The following ARHGAP26 variants were observed in gnomAD, a reference collection of about 807,000 sequenced individuals.
ARHGAP26 encodes the protein rho GTPase-activating protein 26.
In ARHGAP26, 38 loss-of-function variants were observed where a neutral mutation model predicts 104.8. The ratio of observed to expected loss-of-function variants is 0.36; its 90% CI spans 0.28 to 0.48. ARHGAP26 has a LOEUF of 0.48. ARHGAP26 is among the 20% of genes least tolerant of loss of function. The pLI, the probability that ARHGAP26 is intolerant of heterozygous loss-of-function variation, is 0.99. For missense variants in ARHGAP26, 704 were observed against 947.9 expected, an observed-to-expected ratio of 0.74 and a Z score of 3.38; for synonymous variants, 341 against 340.0, an observed-to-expected ratio of 1.00 and a Z score of -0.03.
intron 1 of ARHGAP26, among the ~76,000 whole-genome samples, chr5:142,820,692 CAA>C (rs1336743569): frequency 6.6e-6 from 1 of 152,154 alleles, no homozygotes; most frequent in African/African-American, 2.4e-5. Context: ...ATTTAGAAAA[CAA>C]AAGCCTTTTC....
At chr5:143,116,700 G>GGA (rs1486154783) in intron 17 of ARHGAP26, among the ~76,000 whole-genome samples, 3 of 152,228 alleles carry the variant, frequency 2.0e-5, no homozygotes, top group Non-Finnish European at 4.4e-5. Flanking sequence ...ACCTCCTTCT[G>GGA]CCTCTCAAAG....
At chr5:142,880,355 T>C (rs1756789014) in intron 4 of ARHGAP26, among the ~76,000 whole-genome samples, 1 of 152,016 alleles carries the variant, frequency 6.6e-6, no homozygotes, top group South Asian at 2.1e-4. Context: ...CCGTCTCTAC[T>C]AAAATAGAAA....
At chr5:143,087,359 C>A (rs992120254) in intron 17 of ARHGAP26, among the ~76,000 whole-genome samples, 1 of 152,202 alleles carries the variant, frequency 6.6e-6, no homozygotes, top group South Asian at 2.1e-4. Context: ...GGATGAGTAT[C>A]TAACTGTTGT....
At chr5:142,817,600 TC>T (rs1765387516) in intron 1 of ARHGAP26, among the ~76,000 whole-genome samples, 1 of 152,136 alleles carries the variant, frequency 6.6e-6, no homozygotes, top group African/African-American at 2.4e-5. Flanking sequence ...TCTTTGTTAC[TC>T]ACGTTCCCTG....
At chr5:143,211,486 A>G (rs955066153) in intron 21 of ARHGAP26, among the ~76,000 whole-genome samples, 7 of 152,096 alleles carry the variant, frequency 4.6e-5, no homozygotes, top group Admixed American at 6.5e-5. Context: ...ATCTCAAGGG[A>G]AAAGCCCTCC....
chr5:142,795,207 CTGTA>C (rs1169362500), intron 1 of ARHGAP26, among the ~76,000 whole-genome samples: 1 of 152,140 alleles, frequency 6.6e-6, no homozygotes, highest in Non-Finnish European at 1.5e-5. Context: ...TGCCCATTGA[CTGTA>C]TGGGCATTTT....
chr5:143,169,798 T>C (rs999223525), intron 20 of ARHGAP26: 1 of 152,164 alleles, frequency 6.6e-6, no homozygotes, highest in Non-Finnish European at 1.5e-5. Context: ...GGACCTTTCT[T>C]ATGGGGACTT....
At chr5:143,193,510 C>A (rs570160943) in intron 20 of ARHGAP26, among the ~76,000 whole-genome samples, 1 of 152,190 alleles carries the variant, frequency 6.6e-6, no homozygotes, top group South Asian at 2.1e-4. Flanking sequence ...TGGCCTACCA[C>A]AAGTGCTGGG....
At chr5:142,820,934 C>T (rs1766041755) in intron 1 of ARHGAP26, among the ~76,000 whole-genome samples, 1 of 152,172 alleles carries the variant, frequency 6.6e-6, no homozygotes, top group African/African-American at 2.4e-5. Context: ...CCTTCTGTCC[C>T]TCCACCTCCG....
chr5:143,118,084 G>A (rs1368560872), intron 17 of ARHGAP26, among the ~76,000 whole-genome samples: 2 of 152,296 alleles, frequency 1.3e-5, no homozygotes, highest in East Asian at 3.9e-4. Flanking sequence ...GGAGAAAGGT[G>A]AAAGGAAAGT....
chr5:143,010,975 T>A (rs1242801060), intron 11 of ARHGAP26: 1 of 152,204 alleles, frequency 6.6e-6, no homozygotes, highest in East Asian at 1.9e-4. Flanking sequence ...CTTTCCAAGG[T>A]TAGTGAATGC....
At chr5:143,095,183 A>G (rs891943443) in intron 17 of ARHGAP26, among the ~76,000 whole-genome samples, 1 of 150,944 alleles carries the variant, frequency 6.6e-6, no homozygotes, top group Non-Finnish European at 1.5e-5. Flanking sequence ...GTATAAAAAC[A>G]TATATACACA....
At chr5:143,099,515 G>T (rs1411494201) in intron 17 of ARHGAP26, among the ~76,000 whole-genome samples, 1 of 152,154 alleles carries the variant, frequency 6.6e-6, no homozygotes, top group African/African-American at 2.4e-5. Context: ...TCTAGCACAG[G>T]GATTCAATAG....
At chr5:142,945,315 C>T (rs34880113) in intron 11 of ARHGAP26, among the ~76,000 whole-genome samples, 1 of 152,190 alleles carries the variant, frequency 6.6e-6, no homozygotes, top group Non-Finnish European at 1.5e-5. Context: ...ATGGAAGATG[C>T]CTGCCACTCA....
In ARHGAP26 at chr5:142,885,275, TTTCTC is replaced by T; in HGVS notation, c.385-15_385-11del. ...CCTGCAACGTGTTACTCTTTTTCTTTTTCTCTTCTCTTTTTTTGCCAGGAAGCCAA... is the reference window on the plus strand; with the variant it reads ...CCTGCAACGTGTTACTCTTTTTCTTTTTCTCTTTTTTTGCCAGGAAGCCAA... On this transcript the variant is annotated intron_variant, in intron 4 of 22. Coordinates refer to ENST00000645722, the MANE Select transcript of ARHGAP26 (RefSeq NM_001135608.3). 11 of 1,603,234 alleles carry T rather than the reference TTTCTC, an allele frequency of 6.9e-6. No individual in the cohort carries two copies. The highest frequency in any genetic ancestry group is 9.4e-6 in the Non-Finnish European group (11 of 1,171,082).
chr5:143,088,637 A>G (rs1790950520), intron 17 of ARHGAP26, among the ~76,000 whole-genome samples: 1 of 152,240 alleles, frequency 6.6e-6, no homozygotes, highest in African/African-American at 2.4e-5. Flanking sequence ...GCACTCGAAT[A>G]TAAAATTTTC....
Position 143,175,224 on chromosome 5 carries a change from G to A in ARHGAP26, c.1988+27843G>A, listed in dbSNP as rs952074655. Among the ~76,000 whole-genome samples the A allele has an allele frequency of 1.8e-4, 27 of 152,260 alleles. 1 individual carries two copies. Among genetic ancestry groups the A allele is most frequent in the African/African-American group, 5.5e-4 (23 of 41,544 alleles). On this transcript the variant is annotated intron_variant, in intron 20 of 22. Coordinates refer to ENST00000645722, the MANE Select transcript of ARHGAP26 (RefSeq NM_001135608.3). ...TAACCAGTAAAAATTCAGAAATCTA[G>A]GGTCAGGCTTGCAGCTGGCAGAACT... is the stretch of plus-strand genomic sequence containing the variant.
chr5:143,185,649 A>G (rs1286588835), intron 20 of ARHGAP26, among the ~76,000 whole-genome samples: 2 of 152,228 alleles, frequency 1.3e-5, no homozygotes, highest in Admixed American at 1.3e-4. Flanking sequence ...TATCCGGTTC[A>G]GCAAGTATCA....
chr5:142,913,758 A>G (rs1331602278), intron 10 of ARHGAP26, among the ~76,000 whole-genome samples: 2 of 152,184 alleles, frequency 1.3e-5, no homozygotes, highest in Admixed American at 1.3e-4. Context: ...TTTTAGTTAC[A>G]TTTCACCTAC....
Sources: gnomAD v4.1 joint callset for allele counts (sites outside exome capture counted in the v4.1 genomes callset) on GRCh38, gnomAD v4.1.1 for gene constraint, MANE v1.5 for transcripts, NCBI Gene and HGNC (gene_info 2026-07-23, HGNC 2026-07-21) for gene names.